SGK3: variants seen among roughly 807,000 people sequenced by gnomAD.
The protein encoded by SGK3 is serine/threonine-protein kinase Sgk3.
SGK3 carries 47 observed loss-of-function variants against 68.5 expected under a neutral mutation model. The observed-to-expected ratio is 0.69, with a 90% CI of 0.54 to 0.87. SGK3 has a LOEUF of 0.87. Among genes scored for constraint, SGK3 ranks in the 40% least tolerant of loss-of-function variants. The pLI is 0.00. For missense variants in SGK3, 479 were observed against 575.5 expected, an observed-to-expected ratio of 0.83 and a Z score of 1.72; for synonymous variants, 181 against 189.1, an observed-to-expected ratio of 0.96 and a Z score of 0.35.
At chr8:66,787,626 C>A (rs558445286) in intron 1 of SGK3, among the ~76,000 whole-genome samples, 1 of 152,140 alleles carries the variant, frequency 6.6e-6, no homozygotes, top group Non-Finnish European at 1.5e-5. Context: ...ACTTTGTCAT[C>A]GGTCCATTGA....
At chr8:66,744,666 T>C (rs1381059936) in intron 1 of SGK3, among the ~76,000 whole-genome samples, 1 of 150,644 alleles carries the variant, frequency 6.6e-6, no homozygotes, top group Admixed American at 6.6e-5. Context: ...CCACTATGCC[T>C]GACTAATTTT....
At chr8:66,771,513 A>G (rs931254728) in intron 1 of SGK3, among the ~76,000 whole-genome samples, 9 of 152,242 alleles carry the variant, frequency 5.9e-5, no homozygotes, top group Non-Finnish European at 1.2e-4. Flanking sequence ...AGACCTTAAT[A>G]GGACATAGAG....
At chr8:66,720,413 G>A (rs947761903) in intron 1 of SGK3, among the ~76,000 whole-genome samples, 3 of 152,108 alleles carry the variant, frequency 2.0e-5, no homozygotes, top group African/African-American at 4.8e-5. Flanking sequence ...TGGGCAGATC[G>A]CTTGAGCTCA....
chr8:66,734,195 T>G (rs1563600527), intron 1 of SGK3, among the ~76,000 whole-genome samples: 1 of 151,464 alleles, frequency 6.6e-6, no homozygotes, highest in Non-Finnish European at 1.5e-5. Flanking sequence ...GATAGTAACA[T>G]AAATTTATTA....
chr8:66,814,440 A>G (rs1487411823), intron 5 of SGK3, among the ~76,000 whole-genome samples: 1 of 152,190 alleles, frequency 6.6e-6, no homozygotes, highest in Non-Finnish European at 1.5e-5. Flanking sequence ...GCTTCCTGCA[A>G]CTTAAAGGGT....
chr8:66,834,248 A>C (rs568203780), intron 8 of SGK3, among the ~76,000 whole-genome samples: 2 of 151,392 alleles, frequency 1.3e-5, no homozygotes, highest in East Asian at 3.9e-4. Flanking sequence ...ACTATGCTAT[A>C]TGCCACAATG....
In SGK3 at chr8:66,717,217, AAC is replaced by A. The variant is rs1563592098; in HGVS notation, c.-122+4386_-122+4387del. 4.7e-3 allele frequency among the ~76,000 whole-genome samples: 542 copies of A among 115,766 alleles called. 22 individuals are homozygous for A. Among genetic ancestry groups the A allele is most frequent in the African/African-American group, 0.026 (517 of 19,522 alleles). 75.9% of individuals were successfully genotyped at this position (115,766 alleles called of 152,430 possible). Reference sequence around the variant, plus strand: ...TGAAACTCTTTATCTGAAAAAAAAAAACAAAAAAAACAAAAAAAACAAAAAAA... The same window carrying A: ...TGAAACTCTTTATCTGAAAAAAAAAAAAAAAAAACAAAAAAAACAAAAAAA... On this transcript the variant is annotated intron_variant, in intron 1 of 16. Coordinates refer to ENST00000521198, the MANE Select transcript of SGK3 (RefSeq NM_001033578.3).
chr8:66,750,825 C>T (rs1372443842), intron 1 of SGK3, among the ~76,000 whole-genome samples: 1 of 149,720 alleles, frequency 6.7e-6, no homozygotes, highest in Non-Finnish European at 1.5e-5. Context: ...GACAACATGG[C>T]AAAACCCCAT....
intron 8 of SGK3, among the ~76,000 whole-genome samples, chr8:66,835,481 C>G (rs1273466665): frequency 1.3e-5 from 2 of 152,090 alleles, no homozygotes; most frequent in Non-Finnish European, 2.9e-5. Flanking sequence ...CAGGAGACTT[C>G]CAGGATTCAG....
chr8:66,740,797 C>T (rs975089998), intron 1 of SGK3, among the ~76,000 whole-genome samples: 1 of 151,244 alleles, frequency 6.6e-6, no homozygotes, highest in Middle Eastern at 3.4e-3. Flanking sequence ...GTCCCAGCTA[C>T]TCAGGAGGAT....
intron 1 of SGK3, among the ~76,000 whole-genome samples, chr8:66,752,453 T>C (rs940030104): frequency 6.6e-6 from 1 of 152,126 alleles, no homozygotes; most frequent in Non-Finnish European, 1.5e-5. Flanking sequence ...TGTAGGATGA[T>C]AATTTAAGAT....
Position 66,828,702 on chromosome 8 carries a change from C to A in SGK3, c.466C>A (p.His156Asn), listed in dbSNP as rs115712804. 2.5e-5 allele frequency: 41 copies of A among 1,613,946 alleles called. No individual in the cohort carries two copies. In the East Asian group the frequency reaches 8.5e-4, roughly 33 times the overall value. Reference protein sequence around the residue: ...NINLGPSGNPHAKPTDFDFLK... With the variant: ...NINLGPSGNPNAKPTDFDFLK... Reference sequence around the variant, plus strand: ...CAACCTGGGACCGTCTGGAAATCCTCAGTATGTTTAATTTGCTTCAAACAA... The same window carrying A: ...CAACCTGGGACCGTCTGGAAATCCTAAGTATGTTTAATTTGCTTCAAACAA... Residue 156 changes from histidine (H) to asparagine (N), a missense_variant and splice_region_variant, in exon 7 of 17, where the codon CAT (histidine) becomes AAT (asparagine). Around this residue, in one of 3 missense-constraint regions of SGK3, gnomAD observed 298 missense variants for 329.4 expected, o/e 0.90. Transcript: ENST00000521198.
chr8:66,714,474 C>A (rs1804577221), intron 1 of SGK3, among the ~76,000 whole-genome samples: 1 of 152,214 alleles, frequency 6.6e-6, no homozygotes, highest in Non-Finnish European at 1.5e-5. Flanking sequence ...ATCAGACTAG[C>A]TTTCTGACTC....
chr8:66,781,394 A>G (rs532372870), intron 1 of SGK3, among the ~76,000 whole-genome samples: 2 of 152,070 alleles, frequency 1.3e-5, no homozygotes, highest in Non-Finnish European at 2.9e-5. Flanking sequence ...GTCACTCAGG[A>G]TGGGAGTACA....
intron 2 of SGK3, among the ~76,000 whole-genome samples, chr8:66,796,321 ATTTTTTTTT>A (rs71249408): frequency 0.037 from 1,546 of 41,420 alleles, 39 homozygotes; most frequent in African/African-American, 0.11. Flanking sequence ...TATTTTTTGT[ATTTTTTTTT>A]TTTTTTTTTT....
chr8:66,846,307 CT>C (rs1251612782), intron 14 of SGK3, among the ~76,000 whole-genome samples: 1 of 151,826 alleles, frequency 6.6e-6, no homozygotes, highest in African/African-American at 2.4e-5. Context: ...CATTTTTTTT[CT>C]CAAAAGTTGT....
At chr8:66,775,904 T>C (rs1806689416) in intron 1 of SGK3, among the ~76,000 whole-genome samples, 1 of 152,224 alleles carries the variant, frequency 6.6e-6, no homozygotes, top group Admixed American at 6.5e-5. Flanking sequence ...GCAATTTGCC[T>C]AACTTTTCTA....
chr8:66,725,857 A>T (rs1804971197), intron 1 of SGK3, among the ~76,000 whole-genome samples: 1 of 152,058 alleles, frequency 6.6e-6, no homozygotes, highest in Admixed American at 6.6e-5. Context: ...TATCTGCGGT[A>T]TTTTGCCAAC....
chr8:66,730,892 G>T (rs1318023601), intron 1 of SGK3, among the ~76,000 whole-genome samples: 3 of 149,376 alleles, frequency 2.0e-5, no homozygotes, highest in Admixed American at 1.3e-4. Flanking sequence ...TTGCCATATT[G>T]GCCAGGCTGG....
Sources: gnomAD v4.1 joint callset for allele counts (sites outside exome capture counted in the v4.1 genomes callset) on GRCh38, gnomAD v4.1.1 for gene constraint, gnomAD v4.1.1 regional missense constraint, MANE v1.5 for transcripts, NCBI Gene and HGNC (gene_info 2026-07-23, HGNC 2026-07-21) for gene names.